CAMKK2: variants seen among roughly 807,000 people sequenced by gnomAD.
CAMKK2 encodes calcium/calmodulin dependent protein kinase kinase 2.
CAMKK2 carries 30 observed loss-of-function variants against 67.2 expected under a neutral mutation model. The observed-to-expected ratio is 0.45, with a 90% CI of 0.33 to 0.61. CAMKK2 has a LOEUF of 0.61. Ranked by LOEUF, CAMKK2 falls within the 20% of genes least tolerant of loss-of-function variation. The pLI, the probability that CAMKK2 is intolerant of heterozygous loss-of-function variation, is 0.02. For missense variants in CAMKK2, 643 were observed against 802.0 expected (o/e 0.80, Z 2.39); for synonymous variants, 322 against 326.2 (o/e 0.99, Z 0.14).
chr12:121,265,619 A>G (rs1262334058), intron 5 of CAMKK2, among the ~76,000 whole-genome samples: 1 of 152,130 alleles, frequency 6.6e-6, no homozygotes, highest in Non-Finnish European at 1.5e-5. Flanking sequence ...CTGTAATCCA[A>G]GCACTTTGGG....
chr12:121,257,393 C>T (rs1382912430), intron 7 of CAMKK2, among the ~76,000 whole-genome samples: 2 of 152,014 alleles, frequency 1.3e-5, no homozygotes, highest in Admixed American at 1.3e-4. Context: ...ACTACAGGCA[C>T]CTGCCACCAC....
At chr12:121,248,035 G>C (rs1160225028) in intron 14 of CAMKK2, among the ~76,000 whole-genome samples, 9 of 152,194 alleles carry the variant, frequency 5.9e-5, no homozygotes, top group African/African-American at 2.2e-4. Context: ...GCGATTCCCA[G>C]AGCCTCCAAG....
intron 11 of CAMKK2, among the ~76,000 whole-genome samples, chr12:121,251,762 G>T (rs1330393233): frequency 6.7e-6 from 1 of 149,248 alleles, no homozygotes; most frequent in Non-Finnish European, 1.5e-5. Flanking sequence ...GGGAGGCGGA[G>T]GTTGCAGTGA....
intron 11 of CAMKK2, among the ~76,000 whole-genome samples, chr12:121,250,871 T>C (rs1401342666): frequency 6.6e-6 from 1 of 152,246 alleles, no homozygotes; most frequent in Non-Finnish European, 1.5e-5. Context: ...ATAAGTAGTA[T>C]TCTCATTTTA....
chr12:121,255,304 T>TTATATATATAATTA (rs1317520187), intron 9 of CAMKK2, among the ~76,000 whole-genome samples: 10 of 6,004 alleles, frequency 1.7e-3, no homozygotes, highest in South Asian at 5.2e-3. Context: ...ATATATAATT[T>TTATATATATAATTA]TATATATAAT....
At chr12:121,297,353 G>A (rs976522742), upstream of CAMKK2, 25 of 313,444 alleles carry the variant, frequency 8.0e-5, no homozygotes, top group Admixed American at 4.0e-4. Context: ...GCCCCCTTCC[G>A]CAGCTGCCTG....
At chr12:121,249,654 G>A in intron 13 of CAMKK2, 133 bp downstream of exon 13, 1 of 783,700 alleles carries the variant, frequency 1.3e-6, no homozygotes, top group Admixed American at 1.8e-5. Context: ...CAGCAGCTCA[G>A]AGGCCCTGGG....
chr12:121,293,105 G>A (rs975586713), intron 1 of CAMKK2, among the ~76,000 whole-genome samples: 36 of 152,154 alleles, frequency 2.4e-4, no homozygotes, highest in South Asian at 6.2e-4. Context: ...GTGAAACCCC[G>A]TTTCTACTAA....
At chr12:121,279,922 C>T (rs557431046) in intron 1 of CAMKK2, among the ~76,000 whole-genome samples, 5 of 152,250 alleles carry the variant, frequency 3.3e-5, no homozygotes, top group South Asian at 2.1e-4. Context: ...AACCTGCATC[C>T]GCTACCTCCC....
At chr12:121,257,863 C>T (rs976094695) in intron 7 of CAMKK2, among the ~76,000 whole-genome samples, 1 of 152,080 alleles carries the variant, frequency 6.6e-6, no homozygotes, top group Non-Finnish European at 1.5e-5. Flanking sequence ...AATTTCTGCA[C>T]CATCCTCCCA....
At chr12:121,275,771 T>G (rs1212975313) in intron 1 of CAMKK2, among the ~76,000 whole-genome samples, 1 of 152,038 alleles carries the variant, frequency 6.6e-6, no homozygotes, top group Non-Finnish European at 1.5e-5. Context: ...TGAAACTAGA[T>G]AGAGGTAATG....
chr12:121,287,561 T>A (rs946740853), intron 1 of CAMKK2, among the ~76,000 whole-genome samples: 1 of 152,196 alleles, frequency 6.6e-6, no homozygotes, highest in Non-Finnish European at 1.5e-5. Context: ...GCAGTTCCCC[T>A]GTCTTGCTGC....
intron 1 of CAMKK2, among the ~76,000 whole-genome samples, chr12:121,284,799 G>A (rs1369915968): frequency 3.3e-5 from 5 of 152,182 alleles, no homozygotes; most frequent in South Asian, 2.1e-4. Flanking sequence ...AGATGAGAGC[G>A]AAAGCACAGG....
At chr12:121,295,095 G>A (rs895216858) in intron 1 of CAMKK2, among the ~76,000 whole-genome samples, 4 of 152,164 alleles carry the variant, frequency 2.6e-5, no homozygotes, top group Admixed American at 6.5e-5. Context: ...GCTTGAACCC[G>A]GGAGGCGGAG....
At chr12:121,279,110 T>G (rs1056134501) in intron 1 of CAMKK2, among the ~76,000 whole-genome samples, 1 of 152,270 alleles carries the variant, frequency 6.6e-6, no homozygotes, top group African/African-American at 2.4e-5. Context: ...CCAAGGGCAC[T>G]GAGCCATCCG....
At chr12:121,255,304 T>TATA (rs1891870229) in intron 9 of CAMKK2, among the ~76,000 whole-genome samples, 1 of 6,010 alleles carries the variant, frequency 1.7e-4, no homozygotes, top group Non-Finnish European at 2.8e-4. Flanking sequence ...ATATATAATT[T>TATA]TATATATAAT....
chr12:121,268,577 G>C lies in CAMKK2; in HGVS notation c.625+61C>G, dbSNP rs1895100723. On this transcript the variant is annotated intron_variant, in intron 5 of 16. Transcript: ENST00000404169. ...GCCCAGTGCAATGGTTCCCATTCAG[G>C]GGGCTCTGCCCTGTCTTGTCCCAGC... The C allele has an allele frequency of 5.4e-6, 8 of 1,480,578 alleles. No homozygotes were observed. The South Asian group carries it at 9.1e-5, about 17-fold the overall frequency. 91.7% of individuals were successfully genotyped at this position (1,480,578 alleles called of 1,614,324 possible). A position where few individuals can be genotyped will look rare whatever the true frequency, so the allele number is the denominator to read the frequency against.
At chr12:121,244,218 A>G in intron 16 of CAMKK2, 1 of 1,437,234 alleles carries the variant, frequency 7.0e-7, no homozygotes. Context: ...TGTGCTGACC[A>G]TGCGGACTCG....
At position 121,241,870 on chromosome 12, in the gene CAMKK2, GC is replaced by G. The variant is rs1888452540; in HGVS notation, c.1597-1002del. Among the ~76,000 whole-genome samples the G allele has an allele frequency of 3.3e-5, 5 of 152,314 alleles. No individual in the cohort carries two copies. In the South Asian group the frequency reaches 1.0e-3, roughly 32 times the overall value. The stretch of plus-strand genomic sequence containing the variant: ...GGGTCTTACTGCAGACGGCAGGCAG[GC>G]CCCCAGTCCAAGACCCCCAGTGCCT... On this transcript the variant is annotated intron_variant, in intron 16 of 16. Transcript: ENST00000404169.
Sources: gnomAD v4.1 joint callset for allele counts (sites outside exome capture counted in the v4.1 genomes callset) on GRCh38, gnomAD v4.1.1 for gene constraint, MANE v1.5 for transcripts, NCBI Gene and HGNC (gene_info 2026-07-23, HGNC 2026-07-21) for gene names.